The following PPARGC1A variants were observed in gnomAD, a reference collection of about 807,000 sequenced individuals.
The protein encoded by PPARGC1A is PPARG coactivator 1 alpha.
In PPARGC1A, 25 loss-of-function variants were observed where a neutral mutation model predicts 88.7. The ratio of observed to expected loss-of-function variants is 0.28; its 90% CI spans 0.21 to 0.39. PPARGC1A has a LOEUF of 0.39. Among genes scored for constraint, PPARGC1A ranks in the 10% least tolerant of loss-of-function variants. The pLI, the probability that PPARGC1A is intolerant of heterozygous loss-of-function variation, is 1.00. For missense variants in PPARGC1A, 880 were observed against 968.7 expected (o/e 0.91, Z 1.22); for synonymous variants, 363 against 355.6 (o/e 1.02, Z -0.24).
At chr4:23,928,413 T>C in the PPARGC1A span, among the ~76,000 whole-genome samples, 1 of 152,114 alleles carries the variant, frequency 6.6e-6, no homozygotes, top group Non-Finnish European at 1.5e-5. Context: ...CTCACGCCAG[T>C]CAGAGTAGTG....
chr4:23,849,204 A>C lies in PPARGC1A; in HGVS notation c.235-17453T>G, dbSNP rs116490804. On this transcript the variant is annotated intron_variant, in intron 2 of 12. Coordinates refer to ENST00000264867, the MANE Select transcript of PPARGC1A (RefSeq NM_013261.5). ...GTGGTGAGGATTAAATGAGACACTG[A>C]GCATAAAGAGCACCGTAATACATCA... 1.4e-3 allele frequency among the ~76,000 whole-genome samples: 212 copies of C among 152,322 alleles called. 1 individual carries two copies. Among genetic ancestry groups the C allele is most frequent in the African/African-American group, 4.9e-3 (204 of 41,578 alleles).
chr4:24,246,148 C>T, the PPARGC1A span, among the ~76,000 whole-genome samples: 2 of 152,060 alleles, frequency 1.3e-5, no homozygotes, highest in African/African-American at 2.4e-5. Context: ...TTCCTGTAAT[C>T]TGTTAAGATC....
chr4:24,242,184 A>G, the PPARGC1A span, among the ~76,000 whole-genome samples: 4 of 152,150 alleles, frequency 2.6e-5, no homozygotes, highest in African/African-American at 9.7e-5. Context: ...CAGCCGAGTG[A>G]CAGTTCTAAA....
At chr4:24,043,884 C>T in the PPARGC1A span, among the ~76,000 whole-genome samples, 2 of 152,188 alleles carry the variant, frequency 1.3e-5, no homozygotes, top group Non-Finnish European at 2.9e-5. Context: ...CTGCCCCTAC[C>T]TGCCACAATA....
At chr4:24,195,275 TGTG>T in the PPARGC1A span, among the ~76,000 whole-genome samples, 3 of 152,302 alleles carry the variant, frequency 2.0e-5, no homozygotes, top group South Asian at 6.2e-4. Flanking sequence ...CCCATATAGC[TGTG>T]GTGAAGATTA....
the PPARGC1A span, among the ~76,000 whole-genome samples, chr4:24,185,744 G>A: frequency 6.6e-6 from 1 of 151,562 alleles, no homozygotes; most frequent in African/African-American, 2.4e-5. Context: ...GCACTAATGT[G>A]TCATCTAGCA....
At chr4:23,969,721 T>C in the PPARGC1A span, among the ~76,000 whole-genome samples, 2 of 152,208 alleles carry the variant, frequency 1.3e-5, no homozygotes, top group African/African-American at 2.4e-5. Context: ...CCTAGACCTC[T>C]GGACATTCTG....
the PPARGC1A span, among the ~76,000 whole-genome samples, chr4:24,136,897 C>T: frequency 2.0e-5 from 3 of 151,970 alleles, no homozygotes; most frequent in Admixed American, 6.5e-5. Flanking sequence ...AGGTGGATCA[C>T]GAGGTCAGGA....
chr4:24,403,633 C>T, the PPARGC1A span, among the ~76,000 whole-genome samples: 5 of 152,178 alleles, frequency 3.3e-5, no homozygotes, highest in African/African-American at 1.2e-4. Context: ...AACAAAATAC[C>T]CGCTGGATAC....
At chr4:23,998,993 T>C in the PPARGC1A span, among the ~76,000 whole-genome samples, 4 of 152,256 alleles carry the variant, frequency 2.6e-5, no homozygotes, top group Non-Finnish European at 4.4e-5. Context: ...ATCAATCTTA[T>C]GAATACATAT....
chr4:23,981,283 G>A, the PPARGC1A span, among the ~76,000 whole-genome samples: 1 of 151,924 alleles, frequency 6.6e-6, no homozygotes, highest in East Asian at 1.9e-4. Context: ...TACACCATGA[G>A]AGCAGAAATC....
chr4:24,045,108 C>T, the PPARGC1A span, among the ~76,000 whole-genome samples: 1 of 152,144 alleles, frequency 6.6e-6, no homozygotes, highest in Non-Finnish European at 1.5e-5. Flanking sequence ...ATCATTCTAG[C>T]TCCAGGAATG....
At chr4:23,872,988 A>G (rs1046083458) in intron 2 of PPARGC1A, among the ~76,000 whole-genome samples, 2 of 151,984 alleles carry the variant, frequency 1.3e-5, no homozygotes, top group Admixed American at 1.3e-4. Context: ...CAGGAGATAG[A>G]GACCATCCTG....
the PPARGC1A span, among the ~76,000 whole-genome samples, chr4:24,030,230 G>A: frequency 0.025 from 3,817 of 152,242 alleles, 147 homozygotes; most frequent in African/African-American, 0.086. Context: ...TGATTTCAAC[G>A]AGGGTTGCAG....
chr4:24,292,380 T>G, the PPARGC1A span, among the ~76,000 whole-genome samples: 3 of 151,896 alleles, frequency 2.0e-5, no homozygotes, highest in Non-Finnish European at 4.4e-5. Flanking sequence ...ATGAATAAGC[T>G]GGTACCCAAG....
chr4:24,084,235 T>A, the PPARGC1A span, among the ~76,000 whole-genome samples: 2 of 152,222 alleles, frequency 1.3e-5, no homozygotes, highest in African/African-American at 4.8e-5. Context: ...TGGTTAGTCC[T>A]GGCTAGACCC....
At chr4:24,405,559 C>T in the PPARGC1A span, among the ~76,000 whole-genome samples, 6 of 152,266 alleles carry the variant, frequency 3.9e-5, no homozygotes, top group South Asian at 2.1e-4. Context: ...ATCAATCTAG[C>T]GCAGCTCCCA....
At chr4:24,238,134 G>C in the PPARGC1A span, among the ~76,000 whole-genome samples, 1 of 152,124 alleles carries the variant, frequency 6.6e-6, no homozygotes, top group African/African-American at 2.4e-5. Context: ...GTAAGGTTCT[G>C]TAACCTGGGC....
chr4:24,220,546 A>G, the PPARGC1A span, among the ~76,000 whole-genome samples: 1 of 152,220 alleles, frequency 6.6e-6, no homozygotes, highest in Non-Finnish European at 1.5e-5. Context: ...ACAGCCATAA[A>G]AATGAATGAA....
Sources: gnomAD v4.1 joint callset for allele counts (sites outside exome capture counted in the v4.1 genomes callset) on GRCh38, gnomAD v4.1.1 for gene constraint, MANE v1.5 for transcripts, NCBI Gene and HGNC (gene_info 2026-07-23, HGNC 2026-07-21) for gene names.